Variants in DEPDC5 observed in about 807,000 individuals in gnomAD.
DEPDC5 encodes the protein GATOR1 complex protein DEPDC5.
A neutral mutation model predicts 217.3 loss-of-function variants in DEPDC5; 73 were observed. That is an observed-to-expected ratio of 0.34 (90% confidence interval 0.28 to 0.41). The LOEUF (loss-of-function observed/expected upper bound fraction) is 0.41, where lower values mean the gene tolerates loss of function less well. DEPDC5 is among the 10% of genes least tolerant of loss of function. The pLI is 1.00. For missense variants in DEPDC5, 1,675 were observed against 2,070.1 expected (o/e 0.81, Z 3.70); for synonymous variants, 733 against 756.7 (o/e 0.97, Z 0.51).
intron 3 of DEPDC5, 22 bp from the exon 4 acceptor site, chr22:31,760,634 C>T (rs369249165): frequency 1.2e-6 from 2 of 1,609,896 alleles, no homozygotes; most frequent in Non-Finnish European, 1.7e-6. Flanking sequence ...TATCCCAACT[C>T]TCTTGTTGCT....
chr22:31,836,889 C>A, intron 25 of DEPDC5, 83 bp from the exon 26 acceptor site: 24 of 888,682 alleles, frequency 2.7e-5, no homozygotes, highest in Non-Finnish European at 3.1e-5. Context: ...CCCCACTCTT[C>A]CCTCCCCTTC....
At chr22:31,837,913 G>A (rs1200963327) in intron 26 of DEPDC5, among the ~76,000 whole-genome samples, 2 of 152,008 alleles carry the variant, frequency 1.3e-5, no homozygotes, top group Non-Finnish European at 2.9e-5. Flanking sequence ...ATGTTGGCCA[G>A]GCTGGTCTCG....
chr22:31,771,765 ACACAC>A (rs2148224190), intron 7 of DEPDC5, among the ~76,000 whole-genome samples: 1 of 146,476 alleles, frequency 6.8e-6, no homozygotes, highest in Non-Finnish European at 1.5e-5. Flanking sequence ...ACACACACAC[ACACAC>A]ACACACACAC....
rs747021717 is a variant in DEPDC5, at chr22:31,819,013, A to G, written c.1667-9A>G. 1 of 1,614,018 alleles carries G rather than the reference A, an allele frequency of 6.2e-7. No individual in the cohort carries two copies. The highest frequency in any genetic ancestry group is 8.5e-7 in the Non-Finnish European group (1 of 1,180,008). ...TTTCTTTGTGACTCAACTCCATGAT[A>G]ACTGGCAGATGTCCTGGAGAACATG... On this transcript the variant is annotated splice_polypyrimidine_tract_variant and intron_variant, in intron 21 of 42. Transcript: ENST00000651528.
intron 25 of DEPDC5, among the ~76,000 whole-genome samples, chr22:31,836,660 A>T (rs1675842878): frequency 1.3e-5 from 2 of 151,850 alleles, no homozygotes; most frequent in African/African-American, 4.8e-5. Flanking sequence ...TCGACATGTA[A>T]TTCTGCCTGC....
At chr22:31,840,600 C>G (rs1305119827) in intron 27 of DEPDC5, among the ~76,000 whole-genome samples, 1 of 152,216 alleles carries the variant, frequency 6.6e-6, no homozygotes, top group African/African-American at 2.4e-5. Flanking sequence ...CAGTTCTGTT[C>G]CTGGCTGATC....
At chr22:31,791,636 A>C (rs1035094177) in intron 10 of DEPDC5, among the ~76,000 whole-genome samples, 5 of 147,774 alleles carry the variant, frequency 3.4e-5, no homozygotes, top group Non-Finnish European at 7.5e-5. Flanking sequence ...TCAAAAAAAA[A>C]AAAAAAAAAG....
At chr22:31,846,360 T>A (rs1485106574) in intron 30 of DEPDC5, among the ~76,000 whole-genome samples, 2 of 152,192 alleles carry the variant, frequency 1.3e-5, no homozygotes, top group African/African-American at 2.4e-5. Flanking sequence ...GTTTTTTTTG[T>A]TTTTAACCTC....
chr22:31,889,042 C>G (rs776451271), intron 38 of DEPDC5, among the ~76,000 whole-genome samples: 1 of 152,184 alleles, frequency 6.6e-6, no homozygotes, highest in African/African-American at 2.4e-5. Context: ...CTGATTGTTA[C>G]GTAGAGTATC....
chr22:31,788,162 G>A (rs778597813), intron 10 of DEPDC5, among the ~76,000 whole-genome samples: 1 of 151,134 alleles, frequency 6.6e-6, no homozygotes, highest in Non-Finnish European at 1.5e-5. Context: ...ATACATGAAT[G>A]TCCAACAAGT....
rs529845103 is a variant in DEPDC5, at chr22:31,779,758, G to C, written c.483+1590G>C. ...AATCATGGATATGTAATTCATGGTTGGTACAATAGTGTCACTATTATTGGC... is the reference window on the plus strand; with the variant it reads ...AATCATGGATATGTAATTCATGGTTCGTACAATAGTGTCACTATTATTGGC... On this transcript the variant is annotated intron_variant, in intron 8 of 42. Coordinates refer to ENST00000651528, the MANE Select transcript of DEPDC5 (RefSeq NM_001242896.3). 1.0e-3 allele frequency among the ~76,000 whole-genome samples: 152 copies of C among 152,210 alleles called. 1 individual carries two copies. Among genetic ancestry groups the C allele is most frequent in the Middle Eastern group, 3.4e-3 (1 of 294 alleles).
At chr22:31,853,081 G>C (rs913868924) in intron 31 of DEPDC5, 2 of 152,212 alleles carry the variant, frequency 1.3e-5, no homozygotes, top group Admixed American at 6.5e-5. Context: ...ATCTTTATCA[G>C]ACCAAAGGAA....
chr22:31,762,993 A>C (rs1027522682), intron 4 of DEPDC5, among the ~76,000 whole-genome samples: 1 of 148,670 alleles, frequency 6.7e-6, no homozygotes, highest in Non-Finnish European at 1.5e-5. Flanking sequence ...TTTTATATTT[A>C]TATTTTTATT....
rs2084713048 is a variant in DEPDC5 at position 31,783,894 on chromosome 22, G to A, written c.484-13G>A. The stretch of plus-strand genomic sequence containing the variant: ...TGGCATTGCTTTTTAATACAATTGT[G>A]TTTTTATTTCAGGTGGTGTTTCGTT... On this transcript the variant is annotated splice_polypyrimidine_tract_variant and intron_variant, in intron 8 of 42. Coordinates refer to ENST00000651528, the MANE Select transcript of DEPDC5 (RefSeq NM_001242896.3). The A allele has an allele frequency of 4.3e-6, 7 of 1,609,738 alleles. No individual in the cohort carries two copies. The South Asian group carries it at 5.5e-5, about 13-fold the overall frequency.
At position 31,777,481 on chromosome 22, in the gene DEPDC5, C is replaced by A. The variant is rs146359830; in HGVS notation, c.414-618C>A. Among the ~76,000 whole-genome samples the A allele has an allele frequency of 5.4e-3, 816 of 151,482 alleles. 6 individuals carry two copies. The highest frequency in any genetic ancestry group is 0.019 in the African/African-American group (769 of 41,180). On this transcript the variant is annotated intron_variant, in intron 7 of 42. Transcript: ENST00000651528. ...TTCACCATGTTGGTCAGGCTGATCT[C>A]GAACTCCTGACCTCGTGATCTGCCC...
At chr22:31,855,287 A>G (rs2092237253) in intron 31 of DEPDC5, among the ~76,000 whole-genome samples, 1 of 151,880 alleles carries the variant, frequency 6.6e-6, no homozygotes, top group Non-Finnish European at 1.5e-5. Context: ...GAGACAATTG[A>G]GGAAATATTT....
intron 41 of DEPDC5, among the ~76,000 whole-genome samples, chr22:31,903,475 TC>T (rs1569247747): frequency 1.9e-3 from 1 of 534 alleles, no homozygotes. Context: ...CTAAACCCCC[TC>T]ACCTTCCACA....
In DEPDC5 at chr22:31,877,000, G is replaced by A. The variant is rs372762771; in HGVS notation, c.3805+735G>A. On this transcript the variant is annotated intron_variant, in intron 37 of 42. Transcript: ENST00000651528. ...CTCTACTAAAAATACAAAATTAGCC[G>A]GGTGTGGTGGTGCATGCATGTAATC... 3.4e-3 allele frequency among the ~76,000 whole-genome samples: 524 copies of A among 152,156 alleles called. 30 individuals are homozygous for A. In the South Asian group the frequency reaches 0.11, roughly 31 times the overall value.
chr22:31,795,256 G>A (rs1433097253), intron 12 of DEPDC5, among the ~76,000 whole-genome samples: 1 of 151,736 alleles, frequency 6.6e-6, no homozygotes. Context: ...TTTTAGTAGA[G>A]ACGGGGTTTC....
Sources: allele counts gnomAD v4.1 joint callset (sites outside exome capture counted in the v4.1 genomes callset), GRCh38; gene constraint gnomAD v4.1.1; transcripts MANE v1.5; gene names NCBI Gene and HGNC (gene_info 2026-07-23, HGNC 2026-07-21).